CLIC5: variants seen among roughly 807,000 people sequenced by gnomAD.
CLIC5 encodes the protein chloride intracellular channel protein 5.
Under a neutral mutation model 24.7 loss-of-function variants are expected in CLIC5, and 20 were observed. The observed-to-expected ratio is 0.81, with a 90% CI of 0.57 to 1.18. CLIC5 has a LOEUF of 1.18. CLIC5 is among the 50% of genes most tolerant of loss of function. The pLI, the probability that CLIC5 is intolerant of heterozygous loss-of-function variation, is 0.00. For synonymous variants in CLIC5, 159 were observed against 135.6 expected (o/e 1.17, Z -1.20); for missense variants, 341 against 326.1 (o/e 1.05, Z -0.35).
At chr6:46,022,271 G>C (rs1348479582) in intron 1 of CLIC5, among the ~76,000 whole-genome samples, 1 of 152,086 alleles carries the variant, frequency 6.6e-6, no homozygotes, top group Non-Finnish European at 1.5e-5. Flanking sequence ...CCCACTACCG[G>C]AGTGCAATCA....
At chr6:45,996,803 G>C (rs1766159339) in intron 1 of CLIC5, among the ~76,000 whole-genome samples, 1 of 151,796 alleles carries the variant, frequency 6.6e-6, no homozygotes, top group African/African-American at 2.4e-5. Flanking sequence ...ACCACAATGA[G>C]ATACCATCTC....
the CLIC5 span, among the ~76,000 whole-genome samples, chr6:46,107,156 T>C: frequency 1.3e-5 from 2 of 152,232 alleles, no homozygotes. Flanking sequence ...GTCTTCAGAA[T>C]TTAATTTAGA....
chr6:46,122,788 G>A, the CLIC5 span, among the ~76,000 whole-genome samples: 3 of 152,162 alleles, frequency 2.0e-5, no homozygotes, highest in African/African-American at 7.2e-5. Context: ...TACCATCAGA[G>A]AATAATATAA....
intron 6 of CLIC5, among the ~76,000 whole-genome samples, chr6:45,886,812 G>T (rs1762309626): frequency 6.6e-6 from 1 of 152,178 alleles, no homozygotes; most frequent in African/African-American, 2.4e-5. Flanking sequence ...TTTTCCAAAT[G>T]CCTGTAGCCA....
At chr6:46,027,894 G>A (rs1006202297) in intron 1 of CLIC5, among the ~76,000 whole-genome samples, 4 of 152,256 alleles carry the variant, frequency 2.6e-5, no homozygotes, top group Admixed American at 1.3e-4. Flanking sequence ...AAATTGCATT[G>A]AAGTTCATTC....
intron 5 of CLIC5, among the ~76,000 whole-genome samples, chr6:45,910,980 A>G (rs1350234164): frequency 6.6e-6 from 1 of 152,174 alleles, no homozygotes; most frequent in Non-Finnish European, 1.5e-5. Context: ...ATACCCACGC[A>G]GAGAGGCCAG....
chr6:46,105,841 G>A, the CLIC5 span, among the ~76,000 whole-genome samples: 1 of 152,176 alleles, frequency 6.6e-6, no homozygotes, highest in Non-Finnish European at 1.5e-5. Flanking sequence ...CTACAGTTTG[G>A]GAAGTTCTGA....
At chr6:46,033,479 A>C (rs937308925) in intron 1 of CLIC5, among the ~76,000 whole-genome samples, 1 of 152,200 alleles carries the variant, frequency 6.6e-6, no homozygotes, top group Non-Finnish European at 1.5e-5. Flanking sequence ...TATACTTTTG[A>C]TAACCTCCGT....
chr6:45,948,170 G>A (rs554044033), intron 3 of CLIC5, among the ~76,000 whole-genome samples: 49 of 152,268 alleles, frequency 3.2e-4, no homozygotes, highest in African/African-American at 1.2e-3. Context: ...ACAAAATGAA[G>A]GCTATAAAAG....
intron 1 of CLIC5, among the ~76,000 whole-genome samples, chr6:45,979,135 A>G (rs992722162): frequency 6.6e-6 from 1 of 152,054 alleles, no homozygotes; most frequent in Non-Finnish European, 1.5e-5. Context: ...TGGACAAGTC[A>G]TTTACCTCCT....
intron 1 of CLIC5, among the ~76,000 whole-genome samples, chr6:45,986,331 G>A (rs1023557470): frequency 5.3e-5 from 8 of 152,166 alleles, no homozygotes; most frequent in Non-Finnish European, 1.2e-4. Flanking sequence ...AAGCTACCCA[G>A]ATGGTGAGGA....
At chr6:45,957,566 T>C (rs925968504) in intron 1 of CLIC5, among the ~76,000 whole-genome samples, 1 of 152,168 alleles carries the variant, frequency 6.6e-6, no homozygotes, top group Non-Finnish European at 1.5e-5. Context: ...GGACATCCTC[T>C]GGTCAGTGTG....
Position 45,903,274 on chromosome 6 carries a change from G to A in CLIC5, c.589-19C>T, listed in dbSNP as rs1295691762. On this transcript the variant is annotated intron_variant, in intron 5 of 5. Transcript: ENST00000339561. ...CCACAATCTAAAACAGAGATGGCAGGACAGAGGTGGTGTGAAGGCATGAAA... is the reference window on the plus strand; with the variant it reads ...CCACAATCTAAAACAGAGATGGCAGAACAGAGGTGGTGTGAAGGCATGAAA... 5 of 1,563,832 alleles carry A rather than the reference G, an allele frequency of 3.2e-6. No homozygotes were observed. Among genetic ancestry groups the A allele is most frequent in the South Asian group, 1.2e-5 (1 of 81,450 alleles).
At chr6:46,096,406 A>G in the CLIC5 span, among the ~76,000 whole-genome samples, 576 of 152,340 alleles carry the variant, frequency 3.8e-3, 3 homozygotes, top group African/African-American at 0.013. Context: ...AATGCTGGCT[A>G]CTACTTCTAT....
intron 1 of CLIC5, among the ~76,000 whole-genome samples, chr6:46,011,318 C>T (rs1766800717): frequency 6.6e-6 from 1 of 152,212 alleles, no homozygotes; most frequent in East Asian, 1.9e-4. Flanking sequence ...GACATTTAAT[C>T]AGCATTAGCA....
chr6:45,955,197 G>A lies in CLIC5; in HGVS notation c.111C>T (p.Arg37=), dbSNP rs1764603514. 6.2e-7 allele frequency: 1 copy of A among 1,613,968 alleles called. No individual in the cohort carries two copies. Among genetic ancestry groups the A allele is most frequent in the South Asian group, 1.1e-5 (1 of 91,084 alleles). ...ESIGNCPFSQ[R]LFMILWLKGV... ...CTTTCAGCCAGAGGATCATGAAGAG[G>A]CGCTGAGAGAAAGGACAGTTGCCGA... is the stretch of plus-strand genomic sequence containing the variant. Residue 37 remains arginine, a synonymous_variant, in exon 2 of 6, where the codon CGC becomes CGT. Transcript: ENST00000339561.
chr6:46,012,681 T>C (rs932298663), intron 1 of CLIC5, among the ~76,000 whole-genome samples: 2 of 152,234 alleles, frequency 1.3e-5, no homozygotes, highest in Non-Finnish European at 1.5e-5. Flanking sequence ...TGGATCTGAA[T>C]GCTATCTGCC....
intron 5 of CLIC5, among the ~76,000 whole-genome samples, chr6:45,907,677 T>G (rs1762699507): frequency 6.6e-6 from 1 of 152,136 alleles, no homozygotes; most frequent in Admixed American, 6.5e-5. Context: ...TTGGTAGGTT[T>G]TTTTAAATTA....
At chr6:46,036,459 T>C (rs536078724) in intron 1 of CLIC5, among the ~76,000 whole-genome samples, 1 of 151,910 alleles carries the variant, frequency 6.6e-6, no homozygotes, top group Non-Finnish European at 1.5e-5. Flanking sequence ...TACAGGCGCC[T>C]GCCACCACGC....
Sources: gnomAD v4.1 joint callset for allele counts (sites outside exome capture counted in the v4.1 genomes callset) on GRCh38, gnomAD v4.1.1 for gene constraint, MANE v1.5 for transcripts, NCBI Gene and HGNC (gene_info 2026-07-23, HGNC 2026-07-21) for gene names.